ZBTB40: variants seen among roughly 807,000 people sequenced by gnomAD.
The protein encoded by ZBTB40 is zinc finger and BTB domain containing 40.
A neutral mutation model predicts 117.5 loss-of-function variants in ZBTB40; 60 were observed. The ratio of observed to expected loss-of-function variants is 0.51; its 90% CI spans 0.41 to 0.63. The LOEUF is 0.63. ZBTB40 is among the 30% of genes least tolerant of loss of function. ZBTB40 has a pLI of 0.00. For missense variants in ZBTB40, 1,287 were observed against 1,498.5 expected, an observed-to-expected ratio of 0.86 and a Z score of 2.33; for synonymous variants, 525 against 577.1, an observed-to-expected ratio of 0.91 and a Z score of 1.29.
upstream of ZBTB40, among the ~76,000 whole-genome samples, chr1:22,446,877 C>G (rs1459866119): frequency 3.3e-5 from 5 of 152,026 alleles, no homozygotes; most frequent in Admixed American, 3.3e-4. Flanking sequence ...CTGAGGCAAG[C>G]AGACCCCTTG....
chr1:22,521,395 C>T, intron 14 of ZBTB40, 101 bp from the exon 15 acceptor site: 1 of 1,473,534 alleles, frequency 6.8e-7, no homozygotes, highest in Middle Eastern at 2.1e-4. Flanking sequence ...CTAGAAACGT[C>T]AGCTTATCCA....
chr1:22,521,371 A>C, intron 14 of ZBTB40, 125 bp from the exon 15 acceptor site: 1 of 1,189,508 alleles, frequency 8.4e-7, no homozygotes, highest in Non-Finnish European at 1.2e-6. Context: ...TGTGATAGGT[A>C]AGAGTGTGTG....
In ZBTB40 at chr1:22,524,225, G is replaced by A. The variant is rs746709592; in HGVS notation, c.3306G>A (p.Gln1102=). 162 of 1,614,012 alleles carry A rather than the reference G, an allele frequency of 1.0e-4. No individual in the cohort carries two copies. The highest frequency in any genetic ancestry group is 1.0e-4 in the Non-Finnish European group (121 of 1,180,034). Residue 1102 remains glutamine, a synonymous_variant, in exon 17 of 18, where the codon CAG becomes CAA. Coordinates refer to ENST00000375647, the MANE Select transcript of ZBTB40 (RefSeq NM_014870.4). ...TGTCTCCCTCTCCTCCAGGGTCCCAGCCATTCCGGTGCTTGTACTGTGCTG... is the reference window on the plus strand; with the variant it reads ...TGTCTCCCTCTCCTCCAGGGTCCCAACCATTCCGGTGCTTGTACTGTGCTG... ...VHVKCQHSGS[Q]PFRCLYCAAT...
In ZBTB40 at chr1:22,511,722, T is replaced by C. The variant is rs1381347544; in HGVS notation, c.2049T>C (p.Ser683=). 6.2e-7 allele frequency: 1 copy of C among 1,606,994 alleles called. No individual in the cohort carries two copies. Among genetic ancestry groups the C allele is most frequent in the East Asian group, 2.2e-5 (1 of 44,824 alleles). Residue 683 remains serine (S), a synonymous_variant, in exon 11 of 18, where the codon AGT becomes AGC. Coordinates refer to ENST00000375647, the MANE Select transcript of ZBTB40 (RefSeq NM_014870.4). ...EDGEKETWKV[S]NKFHLEANNK... ...GAGAGAAGGAAACGTGGAAGGTGAG[T>C]AATAAATTTCACCTTGAAGCCAACA...
chr1:22,449,049 C>T (rs1640824562), upstream of ZBTB40, among the ~76,000 whole-genome samples: 1 of 152,096 alleles, frequency 6.6e-6, no homozygotes, highest in Non-Finnish European at 1.5e-5. Flanking sequence ...CTCCTGACCT[C>T]ATGATCCGCC....
intron 1 of ZBTB40, among the ~76,000 whole-genome samples, chr1:22,468,633 G>C (rs1355391843): frequency 8.4e-6 from 1 of 119,712 alleles, no homozygotes; most frequent in Non-Finnish European, 1.6e-5. Flanking sequence ...GTGCCACCAT[G>C]CCTGGCTGGC....
chr1:22,470,508 A>T (rs2124403447), intron 1 of ZBTB40, among the ~76,000 whole-genome samples: 1 of 152,318 alleles, frequency 6.6e-6, no homozygotes, highest in African/African-American at 2.4e-5. Context: ...TGGGAGCTTC[A>T]TTGGGCTTCG....
At position 22,521,674 on chromosome 1, in the gene ZBTB40, C is replaced by T. The variant is rs544645549; in HGVS notation, c.3211+16C>T. On this transcript the variant is annotated intron_variant, in intron 15 of 17. Coordinates refer to ENST00000375647, the MANE Select transcript of ZBTB40 (RefSeq NM_014870.4). ...GAACATGCAGGTGGAGTTTGGGTACCGCCGGCAGAGAGCGGGAGGGGCTTG... is the reference window on the plus strand; with the variant it reads ...GAACATGCAGGTGGAGTTTGGGTACTGCCGGCAGAGAGCGGGAGGGGCTTG... The T allele has an allele frequency of 2.5e-5, 40 of 1,614,162 alleles. No individual in the cohort carries two copies. In the South Asian group the frequency reaches 4.0e-4, roughly 16 times the overall value.
At chr1:22,457,456 G>A (rs566268604) in intron 1 of ZBTB40, among the ~76,000 whole-genome samples, 1 of 152,312 alleles carries the variant, frequency 6.6e-6, no homozygotes, top group East Asian at 1.9e-4. Context: ...CTCATAGAGT[G>A]TTTAAAAAGT....
chr1:22,437,677 C>A (rs1021413999), intron 1 of ZBTB40, among the ~76,000 whole-genome samples: 1 of 152,010 alleles, frequency 6.6e-6, no homozygotes, highest in Non-Finnish European at 1.5e-5. Context: ...CTCTCAGCCT[C>A]CCAAAGCGCT....
rs1472818038 is a variant in ZBTB40, at chr1:22,513,163, A to G, written c.2668+33A>G. On this transcript the variant is annotated intron_variant, in intron 12 of 17. Coordinates refer to ENST00000375647, the MANE Select transcript of ZBTB40 (RefSeq NM_014870.4). The surrounding 1 kb of genome is among the most constrained non-coding windows in gnomAD (Gnocchi z 4.9). ...GGGGCACAGTTCATTTCTCCTGCAG[A>G]CTTTCACTGCGAACTGCCTAAACCC... 2 of 1,605,006 alleles carry G rather than the reference A, an allele frequency of 1.2e-6. No homozygotes were observed. Among genetic ancestry groups the G allele is most frequent in the African/African-American group, 1.3e-5 (1 of 74,770 alleles).
At chr1:22,486,991 T>C (rs1638489948) in intron 1 of ZBTB40, among the ~76,000 whole-genome samples, 1 of 152,194 alleles carries the variant, frequency 6.6e-6, no homozygotes, top group African/African-American at 2.4e-5. Flanking sequence ...CGCCTCAGCC[T>C]CCCAAAGTGC....
chr1:22,441,168 G>T (rs1467614048), intron 1 of ZBTB40, among the ~76,000 whole-genome samples: 1 of 152,066 alleles, frequency 6.6e-6, no homozygotes. Context: ...GATTATAGGT[G>T]TGTTCAGATT....
At chr1:22,446,132 A>C (rs138643178) in intron 1 of ZBTB40, among the ~76,000 whole-genome samples, 1 of 152,114 alleles carries the variant, frequency 6.6e-6, no homozygotes, top group African/African-American at 2.4e-5. Flanking sequence ...GAAATGGAGA[A>C]TGCCTTTGAT....
upstream of ZBTB40, among the ~76,000 whole-genome samples, chr1:22,448,782 A>AAAAAAAC (rs1640818993): frequency 6.6e-6 from 1 of 150,820 alleles, no homozygotes; most frequent in Admixed American, 6.6e-5. Context: ...TAGCAGGAGA[A>AAAAAAAC]GTCGTGGTGG....
Position 22,488,776 on chromosome 1 carries a change from C to T in ZBTB40, c.-69-1104C>T, listed in dbSNP as rs76299116. ...TGGCTGTGTGTTAAGTAGATTGCTC[C>T]GCCTACTGGGTTGAAGATAGGATGA... On this transcript the variant is annotated intron_variant, in intron 1 of 17. Transcript: ENST00000375647. 8.7e-4 allele frequency among the ~76,000 whole-genome samples: 132 copies of T among 152,242 alleles called. 1 individual carries two copies. Among genetic ancestry groups the T allele is most frequent in the Non-Finnish European group, 1.5e-3 (103 of 68,018 alleles).
At chr1:22,495,493 GT>G (rs904595264) in intron 3 of ZBTB40, among the ~76,000 whole-genome samples, 1 of 151,640 alleles carries the variant, frequency 6.6e-6, no homozygotes, top group Admixed American at 6.6e-5. Flanking sequence ...TTTGTGCTAG[GT>G]TTTTTTTGTT....
intron 3 of ZBTB40, among the ~76,000 whole-genome samples, chr1:22,499,988 G>GA (rs1373655783): frequency 6.6e-6 from 1 of 152,216 alleles, no homozygotes; most frequent in Non-Finnish European, 1.5e-5. Context: ...ACTCTGGTGA[G>GA]AAAATTTTTC....
At chr1:22,435,296 C>G (rs1458834802) in intron 1 of ZBTB40, among the ~76,000 whole-genome samples, 4 of 152,192 alleles carry the variant, frequency 2.6e-5, no homozygotes, top group Non-Finnish European at 5.9e-5. Flanking sequence ...CCATTGTGCC[C>G]AGCTTATCCT....
Sources: allele counts gnomAD v4.1 joint callset (sites outside exome capture counted in the v4.1 genomes callset), GRCh38; gene constraint gnomAD v4.1.1; non-coding constraint Gnocchi (gnomAD v3.1); transcripts MANE v1.5; gene names NCBI Gene and HGNC (gene_info 2026-07-23, HGNC 2026-07-21).